ALCAM: variants seen among roughly 807,000 people sequenced by gnomAD.
The protein encoded by ALCAM is activated leukocyte cell adhesion molecule.
A neutral mutation model predicts 70.9 loss-of-function variants in ALCAM; 30 were observed. The ratio of observed to expected loss-of-function variants is 0.42; its 90% CI spans 0.32 to 0.57. ALCAM has a LOEUF of 0.57. ALCAM is among the 20% of genes least tolerant of loss of function. The pLI, the probability that ALCAM is intolerant of heterozygous loss-of-function variation, is 0.11. For synonymous variants in ALCAM, 249 were observed against 242.5 expected (o/e 1.03, Z -0.25); for missense variants, 591 against 695.1 (o/e 0.85, Z 1.68).
intron 14 of ALCAM, among the ~76,000 whole-genome samples, chr3:105,553,421 A>G (rs557450593): frequency 6.6e-6 from 1 of 151,964 alleles, no homozygotes; most frequent in African/African-American, 2.4e-5. Flanking sequence ...GTTTTAAACC[A>G]CCTTATCTTA....
At chr3:105,442,932 G>T (rs1329773538) in intron 1 of ALCAM, among the ~76,000 whole-genome samples, 1 of 152,084 alleles carries the variant, frequency 6.6e-6, no homozygotes, top group East Asian at 1.9e-4. Flanking sequence ...TGGGCTAAAG[G>T]GATCCTCCCA....
chr3:105,473,556 G>A (rs770888639), intron 1 of ALCAM, among the ~76,000 whole-genome samples: 8 of 151,450 alleles, frequency 5.3e-5, no homozygotes, highest in South Asian at 2.1e-4. Context: ...AATACAAACT[G>A]GTAAACATAG....
intron 1 of ALCAM, among the ~76,000 whole-genome samples, chr3:105,495,385 G>C (rs1246932797): frequency 1.3e-5 from 2 of 152,032 alleles, no homozygotes; most frequent in African/African-American, 4.8e-5. Flanking sequence ...ACCTTTTAGT[G>C]TGATGAGCAC....
In ALCAM at chr3:105,552,588, G is replaced by A. The variant is rs570521531; in HGVS notation, c.1664+3G>A. The A allele has an allele frequency of 1.2e-6, 2 of 1,610,954 alleles. No individual in the cohort carries two copies. The highest frequency in any genetic ancestry group is 4.5e-5 in the East Asian group (2 of 44,798). ...TGGCTGTACATGAAGAAGTCAAAGTGAGTTGTGGAAAAAAGATCTTCATCG... is the reference window on the plus strand; with the variant it reads ...TGGCTGTACATGAAGAAGTCAAAGTAAGTTGTGGAAAAAAGATCTTCATCG... On this transcript the variant is annotated splice_donor_region_variant and intron_variant, in intron 14 of 15. Coordinates refer to ENST00000306107, the MANE Select transcript of ALCAM (RefSeq NM_001627.4).
chr3:105,414,593 G>C (rs1936464517), intron 1 of ALCAM, among the ~76,000 whole-genome samples: 2 of 152,090 alleles, frequency 1.3e-5, no homozygotes, highest in Non-Finnish European at 1.5e-5. Context: ...CATGAACAAA[G>C]AAAGACTTGG....
intron 1 of ALCAM, among the ~76,000 whole-genome samples, chr3:105,400,513 C>A (rs1267781689): frequency 6.6e-6 from 1 of 151,894 alleles, no homozygotes; most frequent in Non-Finnish European, 1.5e-5. Flanking sequence ...ATGATTTTAC[C>A]ACTGTCATTT....
At chr3:105,525,158 T>G (rs1041754476) in intron 3 of ALCAM, 1 of 983,444 alleles carries the variant, frequency 1.0e-6, no homozygotes, top group African/African-American at 1.8e-5. Context: ...GTCCTAAAAT[T>G]AAAAAAACTC....
At chr3:105,509,389 T>C (rs1939172503) in intron 1 of ALCAM, among the ~76,000 whole-genome samples, 1 of 152,120 alleles carries the variant, frequency 6.6e-6, no homozygotes, top group Non-Finnish European at 1.5e-5. Context: ...CTCTTGTTTT[T>C]TCAATAAGAA....
At chr3:105,523,502 G>A (rs559103166) in intron 2 of ALCAM, among the ~76,000 whole-genome samples, 1 of 152,300 alleles carries the variant, frequency 6.6e-6, no homozygotes, top group East Asian at 1.9e-4. Context: ...CAAAGGTCTT[G>A]TAGGGTACAT....
intron 1 of ALCAM, among the ~76,000 whole-genome samples, chr3:105,394,745 G>C (rs991784286): frequency 1.3e-5 from 2 of 151,878 alleles, no homozygotes; most frequent in African/African-American, 4.8e-5. Context: ...CTGCAAAATT[G>C]TTTAGGCAGA....
In ALCAM at chr3:105,367,422, G is replaced by A. The variant is rs1935089950; in HGVS notation, c.14G>A (p.Gly5Glu). 1 of 1,613,844 alleles carries A rather than the reference G, an allele frequency of 6.2e-7. No individual in the cohort carries two copies. The highest frequency in any genetic ancestry group is 8.5e-7 in the Non-Finnish European group (1 of 1,179,910). The change falls in exon 1 of 16, where the codon GGG becomes GAG. Residue 5 changes from glycine to glutamate, a missense_variant. Transcript: ENST00000306107. The part of the protein sequence containing the change: MESK[G>E]ASSCRLLFCL... ...AGGAGGAGGAATATGGAATCCAAGG[G>A]GGCCAGTTCCTGCCGTCTGCTCTTC... is the stretch of plus-strand genomic sequence containing the variant.
At chr3:105,466,577 G>GGAT (rs1315064912) in intron 1 of ALCAM, among the ~76,000 whole-genome samples, 2 of 151,262 alleles carry the variant, frequency 1.3e-5, no homozygotes, top group Non-Finnish European at 3.0e-5. Context: ...TCATGTGCCA[G>GGAT]GATGTGGCCC....
At chr3:105,398,079 T>C (rs756164213) in intron 1 of ALCAM, among the ~76,000 whole-genome samples, 5 of 152,134 alleles carry the variant, frequency 3.3e-5, no homozygotes, top group Non-Finnish European at 7.4e-5. Flanking sequence ...ACATAGGTTG[T>C]TGGGCTTGAC....
intron 1 of ALCAM, among the ~76,000 whole-genome samples, chr3:105,396,799 T>C (rs1454390792): frequency 6.6e-6 from 1 of 152,062 alleles, no homozygotes; most frequent in African/African-American, 2.4e-5. Flanking sequence ...CCAAAGACCA[T>C]AGCCTCTGGA....
At chr3:105,475,810 G>A (rs939630179) in intron 1 of ALCAM, among the ~76,000 whole-genome samples, 8 of 151,728 alleles carry the variant, frequency 5.3e-5, no homozygotes, top group African/African-American at 1.7e-4. Context: ...CCTCTGAACT[G>A]GATCCTGGCC....
chr3:105,521,965 A>G (rs1357379298), intron 2 of ALCAM, among the ~76,000 whole-genome samples: 1 of 152,216 alleles, frequency 6.6e-6, no homozygotes, highest in Non-Finnish European at 1.5e-5. Flanking sequence ...CAAAATTCCA[A>G]GTGCCTGGGA....
intron 14 of ALCAM, among the ~76,000 whole-genome samples, chr3:105,559,289 A>G (rs1940583630): frequency 6.9e-6 from 1 of 145,576 alleles, no homozygotes; most frequent in African/African-American, 2.5e-5. Flanking sequence ...CATATATAAT[A>G]TATACATATA....
At chr3:105,439,337 C>G (rs1288029828) in intron 1 of ALCAM, 1 of 151,946 alleles carries the variant, frequency 6.6e-6, no homozygotes, top group African/African-American at 2.4e-5. Context: ...AATCCCAGAG[C>G]AGTCATTATT....
intron 1 of ALCAM, among the ~76,000 whole-genome samples, chr3:105,444,220 A>G (rs2152586255): frequency 6.6e-6 from 1 of 152,350 alleles, no homozygotes; most frequent in South Asian, 2.1e-4. Context: ...CTATAAAGAA[A>G]TACCCAAGAC....
Sources: allele counts gnomAD v4.1 joint callset (sites outside exome capture counted in the v4.1 genomes callset), GRCh38; gene constraint gnomAD v4.1.1; transcripts MANE v1.5; gene names NCBI Gene and HGNC (gene_info 2026-07-23, HGNC 2026-07-21).